ANKRD12: variants seen among roughly 807,000 people sequenced by gnomAD.
ANKRD12 encodes ankyrin repeat domain-containing protein 12.
Under a neutral mutation model 183.4 loss-of-function variants are expected in ANKRD12, and 85 were observed. That is an observed-to-expected ratio of 0.46 (90% CI 0.39 to 0.56). The LOEUF is 0.56. Ranked by LOEUF, ANKRD12 falls within the 20% of genes least tolerant of loss-of-function variation. ANKRD12 has a pLI of 0.00. For synonymous variants in ANKRD12, 914 were observed against 800.2 expected, an observed-to-expected ratio of 1.14 and a Z score of -2.40; for missense variants, 2,405 against 2,357.1, an observed-to-expected ratio of 1.02 and a Z score of -0.42.
At chr18:9,140,496 G>T (rs1359285273) in intron 1 of ANKRD12, among the ~76,000 whole-genome samples, 1 of 152,182 alleles carries the variant, frequency 6.6e-6, no homozygotes, top group African/African-American at 2.4e-5. Context: ...ATATTCTCAT[G>T]TATACTCATG....
At chr18:9,271,163 C>G (rs1056674237) in intron 10 of ANKRD12, among the ~76,000 whole-genome samples, 3 of 152,122 alleles carry the variant, frequency 2.0e-5, no homozygotes, top group Non-Finnish European at 1.5e-5. Flanking sequence ...CCTCAACCTT[C>G]CAGGCTCAAA....
chr18:9,275,785 G>GA (rs1200570368), intron 11 of ANKRD12, 118 bp downstream of exon 11: 61 of 1,037,446 alleles, frequency 5.9e-5, no homozygotes, highest in East Asian at 3.5e-4. Context: ...GGTCAAAGAA[G>GA]AAAAAAAACT....
intron 3 of ANKRD12, among the ~76,000 whole-genome samples, chr18:9,196,412 C>G (rs1334399932): frequency 6.6e-6 from 1 of 152,086 alleles, no homozygotes; most frequent in African/African-American, 2.4e-5. Flanking sequence ...CTAATATAAA[C>G]TTGAATGTAT....
At chr18:9,208,836 C>A in intron 5 of ANKRD12, 33 bp downstream of exon 5, 3 of 1,461,056 alleles carry the variant, frequency 2.1e-6, no homozygotes, top group Non-Finnish European at 2.7e-6. Flanking sequence ...TAATGTGTAT[C>A]CCTAGTTTTC....
At chr18:9,196,270 A>G (rs1180765173) in intron 3 of ANKRD12, among the ~76,000 whole-genome samples, 1 of 119,426 alleles carries the variant, frequency 8.4e-6, no homozygotes, top group East Asian at 2.5e-4. Context: ...TGTTTCCCAA[A>G]ACTCCTATAT....
intron 8 of ANKRD12, among the ~76,000 whole-genome samples, chr18:9,253,019 C>T (rs1477931941): frequency 6.6e-6 from 1 of 151,850 alleles, no homozygotes; most frequent in African/African-American, 2.4e-5. Flanking sequence ...TATATAAATG[C>T]ATGTATATAA....
At chr18:9,183,101 T>C (rs1474397378) in intron 2 of ANKRD12, among the ~76,000 whole-genome samples, 1 of 152,198 alleles carries the variant, frequency 6.6e-6, no homozygotes, top group Non-Finnish European at 1.5e-5. Context: ...GGAAAGGTCT[T>C]TGTTGCCCAT....
intron 8 of ANKRD12, among the ~76,000 whole-genome samples, chr18:9,238,053 G>A (rs1463748484): frequency 6.6e-6 from 1 of 152,156 alleles, no homozygotes; most frequent in Non-Finnish European, 1.5e-5. Context: ...TGGTATTTCA[G>A]TCCTTATCCT....
intron 2 of ANKRD12, among the ~76,000 whole-genome samples, chr18:9,189,355 A>G (rs117457153): frequency 0.021 from 3,198 of 152,348 alleles, 49 homozygotes; most frequent in Non-Finnish European, 0.035. Flanking sequence ...TCCATAACAT[A>G]AAAGTGCAAG....
At chr18:9,276,911 G>C (rs773485763) in intron 11 of ANKRD12, among the ~76,000 whole-genome samples, 1 of 152,160 alleles carries the variant, frequency 6.6e-6, no homozygotes, top group Non-Finnish European at 1.5e-5. Flanking sequence ...GGGAAGAATG[G>C]ATGGTTTTTA....
At chr18:9,271,821 C>G (rs1320184063) in intron 10 of ANKRD12, among the ~76,000 whole-genome samples, 1 of 152,080 alleles carries the variant, frequency 6.6e-6, no homozygotes, top group Admixed American at 6.5e-5. Context: ...AAAGAAATGC[C>G]AGTTGGAAGT....
chr18:9,171,131 A>T (rs534139067), intron 1 of ANKRD12, among the ~76,000 whole-genome samples: 2 of 152,262 alleles, frequency 1.3e-5, no homozygotes, highest in East Asian at 3.9e-4. Context: ...GGTGCCTCCC[A>T]GTTAGGCTAC....
At chr18:9,221,711 C>T (rs941526592) in intron 7 of ANKRD12, 141 bp from the exon 8 acceptor site, 6 of 773,422 alleles carry the variant, frequency 7.8e-6, no homozygotes, top group East Asian at 2.9e-5. Context: ...AAGAGAATAA[C>T]GATTTAGAGT....
At position 9,281,327 on chromosome 18, in the gene ANKRD12, G is replaced by T. The variant is rs1044867564; in HGVS notation, c.*201G>T. 10 of 442,974 alleles carry T rather than the reference G, an allele frequency of 2.3e-5. No homozygotes were observed. Among genetic ancestry groups the T allele is most frequent in the Admixed American group, 1.3e-4 (3 of 23,120 alleles). 27.4% of individuals were successfully genotyped at this position (442,974 alleles called of 1,614,324 possible). On this transcript the variant is annotated 3_prime_UTR_variant, in exon 13 of 13. Transcript: ENST00000262126. ...TTAGATCCAAACACAGTTTCTAATA[G>T]AAAACTATTATTTATATTGGGAAAG...
At chr18:9,279,707 C>T in intron 12 of ANKRD12, 63 bp downstream of exon 12, 1 of 884,896 alleles carries the variant, frequency 1.1e-6, no homozygotes, top group East Asian at 2.5e-5. Context: ...AAAAAAAACT[C>T]TACAGCTGTA....
rs190289391 is a variant in ANKRD12 at position 9,202,216 on chromosome 18, A to C, written c.236-2260A>C. ...ACAAAGTCTACAGAGGCAGCTGTAGAATATGTTGAAATTTTATTAACAAAA... is the reference window on the plus strand; with the variant it reads ...ACAAAGTCTACAGAGGCAGCTGTAGCATATGTTGAAATTTTATTAACAAAA... On this transcript the variant is annotated intron_variant, in intron 3 of 12. Coordinates refer to ENST00000262126, the MANE Select transcript of ANKRD12 (RefSeq NM_015208.5). Among the ~76,000 whole-genome samples, 14 of 152,318 alleles carry C rather than the reference A, an allele frequency of 9.2e-5. No homozygotes were observed. In the East Asian group the frequency reaches 2.7e-3, roughly 29 times the overall value.
chr18:9,262,456 T>C (rs1057383770), intron 9 of ANKRD12, among the ~76,000 whole-genome samples: 4 of 152,132 alleles, frequency 2.6e-5, no homozygotes, highest in African/African-American at 9.7e-5. Context: ...TTGTTTTGTT[T>C]TTAGTTTTGT....
At chr18:9,195,502 T>C (rs987388187) in intron 2 of ANKRD12, 49 bp from the exon 3 acceptor site, 2 of 1,435,846 alleles carry the variant, frequency 1.4e-6, no homozygotes, top group Non-Finnish European at 1.9e-6. Context: ...CTATACTGTA[T>C]TGCTTAGCTA....
intron 10 of ANKRD12, among the ~76,000 whole-genome samples, chr18:9,270,394 A>G: frequency 6.6e-6 from 1 of 152,252 alleles, no homozygotes; most frequent in East Asian, 1.9e-4. Context: ...CTGGATTAAG[A>G]AAATGTGGCA....
Sources: gnomAD v4.1 joint callset for allele counts (sites outside exome capture counted in the v4.1 genomes callset) on GRCh38, gnomAD v4.1.1 for gene constraint, MANE v1.5 for transcripts, NCBI Gene and HGNC (gene_info 2026-07-23, HGNC 2026-07-21) for gene names.